The following C10orf90 variants were observed in gnomAD, a reference collection of about 807,000 sequenced individuals.
The protein encoded by C10orf90 is (E2-independent) E3 ubiquitin-conjugating enzyme FATS.
Under a neutral mutation model 62.5 loss-of-function variants are expected in C10orf90, and 56 were observed. That is an observed-to-expected ratio of 0.90 (90% CI 0.72 to 1.12). The LOEUF (loss-of-function observed/expected upper bound fraction) is 1.12, where lower values mean the gene tolerates loss of function less well. Ranked by LOEUF, C10orf90 falls within the 50% of genes most tolerant of loss-of-function variation. C10orf90 has a pLI of 0.00. For synonymous variants in C10orf90, 386 were observed against 340.4 expected, an observed-to-expected ratio of 1.13 and a Z score of -1.47; for missense variants, 970 against 880.4, an observed-to-expected ratio of 1.10 and a Z score of -1.29.
At chr10:126,554,201 C>G (rs7085595) in intron 2 of C10orf90, among the ~76,000 whole-genome samples, 47,557 of 151,970 alleles carry the variant, frequency 0.31, 7,624 homozygotes, top group East Asian at 0.41. Context: ...ATAAATAATA[C>G]TTGGCATAGA....
At chr10:126,555,438 T>C (rs1456332387) in intron 2 of C10orf90, among the ~76,000 whole-genome samples, 1 of 151,916 alleles carries the variant, frequency 6.6e-6, no homozygotes, top group Non-Finnish European at 1.5e-5. Flanking sequence ...TTTGGAAGGC[T>C]GAGGCAGGCG....
In C10orf90 at chr10:126,453,962, G is replaced by A. The variant is rs575032533; in HGVS notation, c.2188+5078C>T. On this transcript the variant is annotated intron_variant, in intron 7 of 9. Transcript: ENST00000488181. This position sits in a 1 kb window ranked among gnomAD's most constrained non-coding sequence, Gnocchi z 4.9. ...AGTGGGCAGAGTCAGGCTGAGAGGC[G>A]TCTGGATTTTGGGGTGAGGGATGGA... Among the ~76,000 whole-genome samples, 4 of 152,280 alleles carry A rather than the reference G, an allele frequency of 2.6e-5. No homozygotes were observed. Among genetic ancestry groups the A allele is most frequent in the East Asian group, 1.9e-4 (1 of 5,178 alleles).
At chr10:126,624,250 G>T (rs762442294) in intron 2 of C10orf90, among the ~76,000 whole-genome samples, 42 of 152,088 alleles carry the variant, frequency 2.8e-4, no homozygotes, top group Non-Finnish European at 5.4e-4. Context: ...GGAGGCCAAG[G>T]CAGGAGAATT....
rs1857950503 is a variant in C10orf90 at position 126,436,805 on chromosome 10, G to A, written c.2189-6955C>T. On this transcript the variant is annotated intron_variant, in intron 7 of 9. Coordinates refer to ENST00000488181, the MANE Select transcript of C10orf90 (RefSeq NM_001350921.2). ...GCCTCCCCTGAATAGCAGGGTTTTT[G>A]TTGTTTTTGTTGTTGTTATTTTTGT... is the stretch of plus-strand genomic sequence containing the variant. Among the ~76,000 whole-genome samples, 4 of 151,680 alleles carry A rather than the reference G, an allele frequency of 2.6e-5. No homozygotes were observed. The South Asian group carries it at 6.3e-4, about 24-fold the overall frequency.
intron 7 of C10orf90, among the ~76,000 whole-genome samples, chr10:126,450,951 G>A (rs576973840): frequency 1.5e-4 from 23 of 152,088 alleles, no homozygotes; most frequent in Non-Finnish European, 2.9e-4. Context: ...GTCCAATAAG[G>A]GGTTAATATC....
intron 2 of C10orf90, among the ~76,000 whole-genome samples, chr10:126,550,046 C>G (rs1317587056): frequency 2.0e-5 from 3 of 151,538 alleles, no homozygotes; most frequent in Non-Finnish European, 4.4e-5. Context: ...ACATCAGCCT[C>G]CCGGGTTCAA....
rs753037895 is a variant in C10orf90 at position 126,425,869 on chromosome 10, C to A, written c.2386G>T (p.Val796Phe). 6.2e-7 allele frequency: 1 copy of A among 1,614,052 alleles called. No individual in the cohort carries two copies. The highest frequency in any genetic ancestry group is 8.5e-7 in the Non-Finnish European group (1 of 1,180,008). ...GTCAGCAGGGCAGCCTGTGGTTAGACCGCATTCCTTTGAAGGAGCTGGTCC... is the reference window on the plus strand; with the variant it reads ...GTCAGCAGGGCAGCCTGTGGTTAGAACGCATTCCTTTGAAGGAGCTGGTCC... ...LLDQLLQRNAV is the reference protein window; with the variant it reads ...LLDQLLQRNAF The change falls in exon 10 of 10, where the codon GTC becomes TTC. Residue 796 changes from valine (V) to phenylalanine (F), a missense_variant. Transcript: ENST00000488181.
chr10:126,641,394 A>T (rs893811643), intron 2 of C10orf90, among the ~76,000 whole-genome samples: 3 of 152,140 alleles, frequency 2.0e-5, no homozygotes, highest in African/African-American at 7.2e-5. Flanking sequence ...TATCCCACTC[A>T]TCAATCAAAG....
intron 2 of C10orf90, among the ~76,000 whole-genome samples, chr10:126,593,563 G>GT (rs1845023910): frequency 6.6e-6 from 1 of 152,058 alleles, no homozygotes. Flanking sequence ...CATGGGGGAG[G>GT]GAGAACATCA....
intron 2 of C10orf90, among the ~76,000 whole-genome samples, chr10:126,516,365 G>C (rs1564850510): frequency 6.6e-6 from 1 of 152,144 alleles, no homozygotes; most frequent in Non-Finnish European, 1.5e-5. Context: ...CCAGCTGGTT[G>C]CTATCACTGT....
chr10:126,485,327 A>T (rs1227255752), intron 4 of C10orf90, among the ~76,000 whole-genome samples: 1 of 152,202 alleles, frequency 6.6e-6, no homozygotes, highest in African/African-American at 2.4e-5. Context: ...TTTATAAGCC[A>T]TCATGTCTAT....
At chr10:126,576,241 T>A (rs1164352786) in intron 2 of C10orf90, among the ~76,000 whole-genome samples, 1 of 151,786 alleles carries the variant, frequency 6.6e-6, no homozygotes, top group East Asian at 1.9e-4. Context: ...AAACCCAATT[T>A]GATTTAAAAA....
At chr10:126,521,244 A>G in intron 2 of C10orf90, 2 of 1,583,642 alleles carry the variant, frequency 1.3e-6, no homozygotes, top group Non-Finnish European at 1.7e-6. Context: ...CAGAATGAAC[A>G]GATTACTTTA....
intron 2 of C10orf90, among the ~76,000 whole-genome samples, chr10:126,575,991 T>G (rs1844603576): frequency 6.6e-6 from 1 of 151,698 alleles, no homozygotes; most frequent in Non-Finnish European, 1.5e-5. Context: ...ATAGAGAAAA[T>G]GCTTCAGGAT....
chr10:126,462,446 T>A (rs1009859612), intron 5 of C10orf90, among the ~76,000 whole-genome samples: 3 of 151,866 alleles, frequency 2.0e-5, no homozygotes, highest in East Asian at 1.9e-4. Flanking sequence ...CCAGGCTGAG[T>A]CCAAACCTTC....
intron 2 of C10orf90, among the ~76,000 whole-genome samples, chr10:126,583,785 A>G (rs781244541): frequency 6.6e-6 from 1 of 152,184 alleles, no homozygotes; most frequent in Non-Finnish European, 1.5e-5. Flanking sequence ...CCAGTGCCAA[A>G]TGGCCTAGCT....
rs531377041 is a variant in C10orf90 at position 126,467,673 on chromosome 10, C to T, written c.1535-2687G>A. ...CTTTAAACAGAAACATTCCCCATAT[C>T]CCCTTTTCCCACATTGGTTGACATG... On this transcript the variant is annotated intron_variant, in intron 4 of 9. Transcript: ENST00000488181. Among the ~76,000 whole-genome samples, 34 of 152,270 alleles carry T rather than the reference C, an allele frequency of 2.2e-4. No individual in the cohort carries two copies. In the South Asian group the frequency reaches 6.2e-3, roughly 28 times the overall value.
intron 2 of C10orf90, among the ~76,000 whole-genome samples, chr10:126,555,496 A>G (rs1864743777): frequency 2.9e-5 from 4 of 137,976 alleles, no homozygotes; most frequent in African/African-American, 1.1e-4. Context: ...CAACATGGTG[A>G]AACCCTGTGT....
chr10:126,642,320 C>T (rs554403642), intron 2 of C10orf90, among the ~76,000 whole-genome samples: 1 of 152,050 alleles, frequency 6.6e-6, no homozygotes, highest in African/African-American at 2.4e-5. Context: ...ATCACGAGGT[C>T]GGGAGATCGA....
Sources: allele counts gnomAD v4.1 joint callset (sites outside exome capture counted in the v4.1 genomes callset), GRCh38; gene constraint gnomAD v4.1.1; non-coding constraint Gnocchi (gnomAD v3.1); transcripts MANE v1.5; gene names NCBI Gene and HGNC (gene_info 2026-07-23, HGNC 2026-07-21).